Variants in ENPP1 observed in about 807,000 individuals in gnomAD.
ENPP1 encodes ectonucleotide pyrophosphatase/phosphodiesterase family member 1.
A neutral mutation model predicts 122.8 loss-of-function variants in ENPP1; 73 were observed. The ratio of observed to expected loss-of-function variants is 0.59; its 90% CI spans 0.49 to 0.72. ENPP1 has a LOEUF of 0.72. Ranked by LOEUF, ENPP1 falls within the 30% of genes least tolerant of loss-of-function variation. The probability of loss-of-function intolerance (pLI) is 0.00; values close to 1 mark genes in which losing one functional copy is unlikely to be tolerated. For synonymous variants in ENPP1, 367 were observed against 391.6 expected (o/e 0.94, Z 0.74); for missense variants, 978 against 1,128.1 (o/e 0.87, Z 1.91).
intron 1 of ENPP1, among the ~76,000 whole-genome samples, chr6:131,842,410 C>T (rs1021433796): frequency 1.3e-5 from 2 of 152,014 alleles, no homozygotes; most frequent in Non-Finnish European, 2.9e-5. Context: ...TATCATCAGC[C>T]TATGGCATCA....
intron 20 of ENPP1, among the ~76,000 whole-genome samples, chr6:131,881,944 G>C (rs888517124): frequency 6.6e-6 from 1 of 151,970 alleles, no homozygotes; most frequent in Non-Finnish European, 1.5e-5. Flanking sequence ...GCTTGAACCT[G>C]GGGGGCAGAG....
intron 21 of ENPP1, 93 bp downstream of exon 21, chr6:131,882,567 ATTACCTAT>A: frequency 5.1e-6 from 2 of 391,070 alleles, no homozygotes; most frequent in Non-Finnish European, 9.0e-6. Context: ...TAATATATAT[ATTACCTAT>A]TATATATATA....
intron 1 of ENPP1, among the ~76,000 whole-genome samples, chr6:131,822,766 A>G (rs1431081640): frequency 6.6e-6 from 1 of 152,162 alleles, no homozygotes; most frequent in East Asian, 1.9e-4. Flanking sequence ...AACTATTTCT[A>G]TGCATACTTT....
Position 131,891,748 on chromosome 6 carries a change from C to CTTTTTTTTTTT in ENPP1, c.*1246_*1256dup. 1 of 80,144 alleles carries CTTTTTTTTTTT rather than the reference C, an allele frequency of 1.2e-5. No homozygotes were observed. The highest frequency in any genetic ancestry group is 6.9e-5 in the African/African-American group (1 of 14,394). The allele number at this position is 80,144 out of a possible 1,614,324, so 5.0% of individuals were successfully genotyped here. ...AATTATTTAATAATTTAGGAAGTTG[C>CTTTTTTTTTTT]TTTTTTTTTTTTTTTTTTTCAGTCC... On this transcript the variant is annotated 3_prime_UTR_variant, in exon 25 of 25. Transcript: ENST00000647893.
chr6:131,818,437 G>A (rs1430946717), intron 1 of ENPP1, among the ~76,000 whole-genome samples: 2 of 152,170 alleles, frequency 1.3e-5, no homozygotes, highest in East Asian at 3.9e-4. Context: ...ACGAGGTCAG[G>A]AGATCGAGAC....
chr6:131,825,424 C>A (rs1254829105), intron 1 of ENPP1, among the ~76,000 whole-genome samples: 2 of 152,164 alleles, frequency 1.3e-5, no homozygotes, highest in African/African-American at 4.8e-5. Context: ...ATTAAAATTT[C>A]ATCTAATTAA....
chr6:131,814,773 C>T (rs1781395121), intron 1 of ENPP1, among the ~76,000 whole-genome samples: 1 of 152,046 alleles, frequency 6.6e-6, no homozygotes, highest in Non-Finnish European at 1.5e-5. Flanking sequence ...CTTAAGAGGC[C>T]AGAGAAGTGT....
chr6:131,867,396 G>A (rs1782104367), intron 11 of ENPP1, among the ~76,000 whole-genome samples: 2 of 152,160 alleles, frequency 1.3e-5, no homozygotes, highest in Non-Finnish European at 2.9e-5. Flanking sequence ...TTGTCATTCT[G>A]TGTTCTTGTG....
chr6:131,848,795 C>T (rs912806411), intron 2 of ENPP1, among the ~76,000 whole-genome samples: 2 of 152,184 alleles, frequency 1.3e-5, no homozygotes, highest in Admixed American at 1.3e-4. Flanking sequence ...TTAATGAGCT[C>T]CAAGTAATAG....
chr6:131,881,125 G>A (rs1317602709), intron 20 of ENPP1, among the ~76,000 whole-genome samples: 1 of 152,130 alleles, frequency 6.6e-6, no homozygotes, highest in African/African-American at 2.4e-5. Flanking sequence ...ATAGTGGAGG[G>A]CAGCAGTTTG....
chr6:131,871,523 C>T (rs1782161978), intron 13 of ENPP1, among the ~76,000 whole-genome samples: 1 of 152,188 alleles, frequency 6.6e-6, no homozygotes, highest in Non-Finnish European at 1.5e-5. Flanking sequence ...ACTCATTTCC[C>T]CTCTCTAGAA....
At chr6:131,881,883 G>A (rs1006432208) in intron 20 of ENPP1, among the ~76,000 whole-genome samples, 1 of 152,120 alleles carries the variant, frequency 6.6e-6, no homozygotes, top group Non-Finnish European at 1.5e-5. Context: ...GCCAGGCGTG[G>A]TGGCAGATGC....
chr6:131,882,194 AG>A (rs1782319783), intron 20 of ENPP1, 150 bp from the exon 21 acceptor site: 1 of 579,178 alleles, frequency 1.7e-6, no homozygotes, highest in Non-Finnish European at 3.1e-6. Context: ...TTAGAAAAAA[AG>A]ATGAATATAC....
chr6:131,871,240 G>A (rs1352337260), intron 13 of ENPP1, among the ~76,000 whole-genome samples: 1 of 151,812 alleles, frequency 6.6e-6, no homozygotes, highest in African/African-American at 2.4e-5. Context: ...TATATAAAAT[G>A]TATACTCTTA....
In ENPP1 at chr6:131,852,213, A is replaced by G. The variant is rs766617922; in HGVS notation, c.595A>G (p.Asn199Asp). 2.5e-6 allele frequency: 4 copies of G among 1,607,122 alleles called. No individual in the cohort carries two copies. Among genetic ancestry groups the G allele is most frequent in the Admixed American group, 3.3e-5 (2 of 59,970 alleles). The change falls in exon 5 of 25, where the codon AAT (asparagine) becomes GAT (aspartate). Residue 199 changes from asparagine (N) to aspartate (D), a missense_variant. Asn to Asp is a conservative substitution (Grantham distance 23). Transcript: ENST00000647893. The part of the protein sequence containing the change: ...SWVEEPCESI[N>D]EPQCPAGFET... ...GGTAGAAGAACCATGTGAGAGCATT[A>G]ATGAGCCACAGTGCCCAGCAGGGTA...
intron 1 of ENPP1, chr6:131,826,691 G>C: frequency 1.6e-6 from 1 of 642,096 alleles, no homozygotes; most frequent in Non-Finnish European, 2.6e-6. Flanking sequence ...TCATTATCAA[G>C]GGACAATTCT....
At chr6:131,871,935 A>C (rs1465656377) in intron 13 of ENPP1, 135 bp from the exon 14 acceptor site, 1 of 710,630 alleles carries the variant, frequency 1.4e-6, no homozygotes, top group Non-Finnish European at 2.5e-6. Context: ...CTACAATGTA[A>C]TGACTTAAAT....
Position 131,858,756 on chromosome 6 carries a change from T to G in ENPP1, c.795+9T>G. On this transcript the variant is annotated intron_variant, in intron 7 of 24. Transcript: ENST00000647893. ...ACTACAGCATTGTCACCGTAAGCTC[T>G]GCATTTCAACTTCTATCTGTTTGAA... 1 of 1,582,084 alleles carries G rather than the reference T, an allele frequency of 6.3e-7. No homozygotes were observed. The highest frequency in any genetic ancestry group is 8.7e-7 in the Non-Finnish European group (1 of 1,151,072).
chr6:131,865,466 G>A (rs758407174), intron 11 of ENPP1, among the ~76,000 whole-genome samples: 2 of 152,152 alleles, frequency 1.3e-5, no homozygotes, highest in Admixed American at 6.5e-5. Flanking sequence ...CTAGAGGTAC[G>A]AAACAGCTCA....
Sources: gnomAD v4.1 joint callset for allele counts (sites outside exome capture counted in the v4.1 genomes callset) on GRCh38, gnomAD v4.1.1 for gene constraint, MANE v1.5 for transcripts, NCBI Gene and HGNC (gene_info 2026-07-23, HGNC 2026-07-21) for gene names.